The following ERICH6 variants were observed in gnomAD, a reference collection of about 807,000 sequenced individuals.
The protein encoded by ERICH6 is glutamate rich 6, also known as glutamate-rich protein 6.
ERICH6 carries 71 observed loss-of-function variants against 71.0 expected under a neutral mutation model. The ratio of observed to expected loss-of-function variants is 1.00; its 90% CI spans 0.83 to 1.22. The LOEUF (loss-of-function observed/expected upper bound fraction) is 1.22. ERICH6 is among the 50% of genes most tolerant of loss of function. The pLI, the probability that ERICH6 is intolerant of heterozygous loss-of-function variation, is 0.00. For synonymous variants in ERICH6, 262 were observed against 278.4 expected (o/e 0.94, Z 0.59); for missense variants, 808 against 797.2 (o/e 1.01, Z -0.16).
chr3:150,701,897 A>T (rs1416894900), intron 2 of ERICH6, among the ~76,000 whole-genome samples: 1 of 152,226 alleles, frequency 6.6e-6, no homozygotes, highest in East Asian at 1.9e-4. Context: ...TTCATGTTAC[A>T]TTGATAAGTG....
chr3:150,671,878 C>T (rs1435460001), intron 11 of ERICH6, among the ~76,000 whole-genome samples: 1 of 152,222 alleles, frequency 6.6e-6, no homozygotes, highest in Admixed American at 6.5e-5. Flanking sequence ...GATCTGCCCA[C>T]TGTGGCCTCT....
intron 3 of ERICH6, among the ~76,000 whole-genome samples, chr3:150,687,240 A>G (rs1427639525): frequency 6.6e-6 from 1 of 152,248 alleles, no homozygotes; most frequent in African/African-American, 2.4e-5. Flanking sequence ...CAAAGAGATA[A>G]TTCATGTCCC....
At chr3:150,664,923 C>T (rs530826731) in intron 13 of ERICH6, among the ~76,000 whole-genome samples, 2 of 151,238 alleles carry the variant, frequency 1.3e-5, no homozygotes, top group Non-Finnish European at 2.9e-5. Flanking sequence ...TAATAATGAA[C>T]TCTTCCTTTT....
chr3:150,677,854 A>T (rs1711722216), intron 10 of ERICH6, among the ~76,000 whole-genome samples: 1 of 152,176 alleles, frequency 6.6e-6, no homozygotes, highest in African/African-American at 2.4e-5. Context: ...TATATATGAT[A>T]CAATTATAAG....
Position 150,703,631 on chromosome 3 carries a change from C to CAT in ERICH6, c.267_268insAT (p.Asp90MetfsTer10). 6.2e-7 allele frequency: 1 copy of CAT among 1,614,052 alleles called. No individual in the cohort carries two copies. Among genetic ancestry groups the CAT allele is most frequent in the Middle Eastern group, 1.7e-4 (1 of 6,060 alleles). On this transcript the variant is annotated frameshift_variant, in exon 1 of 14. Transcript: ENST00000295910. LOFTEE classifies it high-confidence loss of function. Reference sequence around the variant, plus strand: ...AAGCGGGGGCGCACGTCTGGGAAGTCGTCGTCGTAGTCACCGATGTCCGTG... The same window carrying CAT: ...AAGCGGGGGCGCACGTCTGGGAAGTCATGTCGTCGTAGTCACCGATGTCCGTG...
At chr3:150,675,178 T>A (rs894036159) in intron 10 of ERICH6, among the ~76,000 whole-genome samples, 2 of 152,200 alleles carry the variant, frequency 1.3e-5, no homozygotes, top group Non-Finnish European at 2.9e-5. Context: ...AATATGGTTT[T>A]CTTTATTTCT....
chr3:150,674,115 C>G, intron 10 of ERICH6, 74 bp from the exon 11 acceptor site: 1 of 1,195,922 alleles, frequency 8.4e-7, no homozygotes, highest in Admixed American at 1.9e-5. Flanking sequence ...CAATGGACAT[C>G]AGCTGGTTAC....
In ERICH6 at chr3:150,686,297, C is replaced by A. The variant is rs1712183578; in HGVS notation, c.610+1G>T. On this transcript the variant is annotated splice_donor_variant, in intron 4 of 13. Coordinates refer to ENST00000295910, the MANE Select transcript of ERICH6 (RefSeq NM_152394.5). LOFTEE classifies it high-confidence loss of function. ...GGAGATGATGCCAAACATGTATTTACCTCTTAACTTAGATGCCAGACATTC... is the reference window on the plus strand; with the variant it reads ...GGAGATGATGCCAAACATGTATTTAACTCTTAACTTAGATGCCAGACATTC... The A allele has an allele frequency of 1.9e-6, 3 of 1,614,094 alleles. No individual in the cohort carries two copies. In the East Asian group the frequency reaches 6.7e-5, roughly 36 times the overall value.
At chr3:150,663,311 G>T (rs1389920809) in intron 13 of ERICH6, among the ~76,000 whole-genome samples, 1 of 152,120 alleles carries the variant, frequency 6.6e-6, no homozygotes, top group Non-Finnish European at 1.5e-5. Flanking sequence ...CAGATGAGTT[G>T]GTATGGGACT....
At chr3:150,702,270 C>T (rs1377689497) in intron 1 of ERICH6, 92 bp from the exon 2 acceptor site, 254 of 163,800 alleles carry the variant, frequency 1.6e-3, no homozygotes, top group Middle Eastern at 3.2e-3. Context: ...TGTCTGGAGA[C>T]TTTTTTTTTT....
intron 12 of ERICH6, among the ~76,000 whole-genome samples, chr3:150,668,971 G>T (rs1711496348): frequency 6.6e-6 from 1 of 152,224 alleles, no homozygotes. Flanking sequence ...AGGCTCTAGA[G>T]ACTGCCTCAG....
intron 13 of ERICH6, among the ~76,000 whole-genome samples, chr3:150,662,428 G>A (rs568674966): frequency 1.3e-5 from 2 of 152,272 alleles, no homozygotes; most frequent in East Asian, 3.9e-4. Flanking sequence ...GGATAGAGAG[G>A]GAGGTGTGGC....
At chr3:150,669,474 A>G (rs1410634837) in intron 11 of ERICH6, 23 bp from the exon 12 acceptor site, 1 of 1,608,884 alleles carries the variant, frequency 6.2e-7, no homozygotes, top group East Asian at 2.2e-5. Context: ...AAGGTCATAT[A>G]AATTGTTCTA....
At chr3:150,696,765 T>TA (rs1344480582) in intron 3 of ERICH6, among the ~76,000 whole-genome samples, 2 of 152,094 alleles carry the variant, frequency 1.3e-5, no homozygotes, top group Non-Finnish European at 2.9e-5. Context: ...GTCAAAAATT[T>TA]AAAAGAATGA....
chr3:150,680,755 T>A lies in ERICH6; in HGVS notation c.1040+18A>T, dbSNP rs1711886462. 2 of 1,588,312 alleles carry A rather than the reference T, an allele frequency of 1.3e-6. No individual in the cohort carries two copies. The highest frequency in any genetic ancestry group is 2.2e-5 in the East Asian group (1 of 44,706). On this transcript the variant is annotated intron_variant, in intron 8 of 13. Transcript: ENST00000295910. ...AAGCCGGCCTGTATGAGTTTCAGTA[T>A]CGAAGTCTCAATGTTACCTTTGCAG...
intron 11 of ERICH6, 27 bp from the exon 12 acceptor site, chr3:150,669,478 T>C (rs528292703): frequency 4.4e-6 from 7 of 1,608,506 alleles, no homozygotes; most frequent in African/African-American, 2.7e-5. Flanking sequence ...TCATATAAAT[T>C]GTTCTAATGC....
At chr3:150,672,239 TAAAC>T (rs1306221501) in intron 11 of ERICH6, among the ~76,000 whole-genome samples, 7 of 102,074 alleles carry the variant, frequency 6.9e-5, no homozygotes, top group South Asian at 3.4e-4. Context: ...AAAATATGAA[TAAAC>T]AAAGAATCCA....
intron 12 of ERICH6, among the ~76,000 whole-genome samples, chr3:150,668,930 T>C (rs73003062): frequency 0.055 from 8,329 of 152,258 alleles, 337 homozygotes; most frequent in African/African-American, 0.12. Context: ...GTTGTTTACA[T>C]AGATGAAGCA....
chr3:150,703,241 T>G (rs1387584455), intron 1 of ERICH6, among the ~76,000 whole-genome samples: 2 of 151,536 alleles, frequency 1.3e-5, no homozygotes, highest in African/African-American at 4.9e-5. Context: ...AAAAAAGCAC[T>G]TCATACAGCC....
Sources: allele counts gnomAD v4.1 joint callset (sites outside exome capture counted in the v4.1 genomes callset), GRCh38; gene constraint gnomAD v4.1.1; transcripts MANE v1.5; gene names NCBI Gene and HGNC (gene_info 2026-07-23, HGNC 2026-07-21).